Variants in WWOX observed in about 807,000 individuals in gnomAD.
The protein encoded by WWOX is WW domain-containing oxidoreductase.
In WWOX, 69 loss-of-function variants were observed where a neutral mutation model predicts 46.2. The observed-to-expected ratio is 1.49, with a 90% CI of 1.23 to 1.82. The LOEUF (loss-of-function observed/expected upper bound fraction) is 1.82, where lower values mean the gene tolerates loss of function less well. WWOX is among the 40% of genes most tolerant of loss of function. The probability of loss-of-function intolerance (pLI) is 0.00; values close to 1 mark genes in which losing one functional copy is unlikely to be tolerated. For missense variants in WWOX, 919 were observed against 542.6 expected, an observed-to-expected ratio of 1.69 and a Z score of -6.89; for synonymous variants, 359 against 202.6, an observed-to-expected ratio of 1.77 and a Z score of -6.56.
intron 8 of WWOX, among the ~76,000 whole-genome samples, chr16:78,640,380 G>C (rs2046678019): frequency 6.6e-6 from 1 of 151,976 alleles, no homozygotes; most frequent in Non-Finnish European, 1.5e-5. Context: ...CTCTGAGCTA[G>C]AATCCTGGTG....
intron 5 of WWOX, among the ~76,000 whole-genome samples, chr16:78,250,259 C>T (rs538502623): frequency 3.3e-5 from 5 of 152,200 alleles, no homozygotes; most frequent in Non-Finnish European, 7.3e-5. Flanking sequence ...TCCGGAAATA[C>T]CCATGCCAGG....
intron 8 of WWOX, among the ~76,000 whole-genome samples, chr16:79,168,484 C>A (rs1218539809): frequency 6.6e-6 from 1 of 152,182 alleles, no homozygotes; most frequent in African/African-American, 2.4e-5. Flanking sequence ...GCATGTGCAA[C>A]TGAAATATCT....
intron 8 of WWOX, among the ~76,000 whole-genome samples, chr16:78,731,956 C>G (rs946036509): frequency 6.6e-6 from 1 of 151,204 alleles, no homozygotes; most frequent in African/African-American, 2.4e-5. Flanking sequence ...AATTGATCCT[C>G]CTGCCTCAGC....
intron 8 of WWOX, among the ~76,000 whole-genome samples, chr16:79,156,487 A>G (rs1373560797): frequency 6.6e-6 from 1 of 152,224 alleles, no homozygotes; most frequent in Non-Finnish European, 1.5e-5. Flanking sequence ...AAGGCAGAAA[A>G]TATTACACAG....
intron 5 of WWOX, among the ~76,000 whole-genome samples, chr16:78,314,809 C>G (rs979841701): frequency 6.7e-6 from 1 of 150,224 alleles, no homozygotes; most frequent in Non-Finnish European, 1.5e-5. Context: ...GCCTTGGCCT[C>G]CCAAAGTGCT....
At chr16:79,116,872 G>C (rs1300692169) in intron 8 of WWOX, among the ~76,000 whole-genome samples, 1 of 151,938 alleles carries the variant, frequency 6.6e-6, no homozygotes, top group Non-Finnish European at 1.5e-5. Context: ...TGTGGCACCT[G>C]TAGGCTTCTA....
chr16:78,380,664 G>T (rs1272054098), intron 5 of WWOX, among the ~76,000 whole-genome samples: 1 of 152,104 alleles, frequency 6.6e-6, no homozygotes, highest in African/African-American at 2.4e-5. Flanking sequence ...ATGAACTACT[G>T]ATCAGGTATC....
chr16:78,401,698 A>T (rs562930907), intron 6 of WWOX, among the ~76,000 whole-genome samples: 38 of 151,918 alleles, frequency 2.5e-4, no homozygotes, highest in Non-Finnish European at 5.0e-4. Context: ...ATACAATACA[A>T]TTCCTTTTTT....
chr16:79,212,350 G>GACACCCAGAGGGAGTAGAATACGCAGA lies in WWOX; in HGVS notation c.*557_*583dup, dbSNP rs1438216015. Reference sequence around the variant, plus strand: ...TGTCCCAGCCAGTGAGGATGACAGTGACACCCAGAGGGAGTAGAATACGCA... The same window carrying GACACCCAGAGGGAGTAGAATACGCAGA: ...TGTCCCAGCCAGTGAGGATGACAGTGACACCCAGAGGGAGTAGAATACGCAGAACACCCAGAGGGAGTAGAATACGCA... On this transcript the variant is annotated 3_prime_UTR_variant, in exon 9 of 9. Transcript: ENST00000566780. 5 of 619,268 alleles carry GACACCCAGAGGGAGTAGAATACGCAGA rather than the reference G, an allele frequency of 8.1e-6. No individual in the cohort carries two copies. Among genetic ancestry groups the GACACCCAGAGGGAGTAGAATACGCAGA allele is most frequent in the Non-Finnish European group, 1.3e-5 (5 of 374,116 alleles). The allele number at this position is 619,268 out of a possible 1,614,324, so 38.4% of individuals were successfully genotyped here.
At chr16:78,559,499 TC>T (rs1325370912) in intron 8 of WWOX, among the ~76,000 whole-genome samples, 5 of 152,190 alleles carry the variant, frequency 3.3e-5, no homozygotes, top group Non-Finnish European at 7.3e-5. Flanking sequence ...ATGAACTTTT[TC>T]CCTTTCCTCC....
intron 8 of WWOX, among the ~76,000 whole-genome samples, chr16:78,442,254 G>C (rs1177017312): frequency 6.6e-6 from 1 of 152,072 alleles, no homozygotes; most frequent in Admixed American, 6.6e-5. Flanking sequence ...AACTTACATA[G>C]CTATCATTTT....
At chr16:78,546,352 T>C (rs1253256764) in intron 8 of WWOX, among the ~76,000 whole-genome samples, 13 of 152,092 alleles carry the variant, frequency 8.5e-5, no homozygotes, top group Non-Finnish European at 1.5e-5. Context: ...ATCAGAACTT[T>C]AAGGCCCGGT....
intron 5 of WWOX, among the ~76,000 whole-genome samples, chr16:78,354,222 C>G (rs946188905): frequency 6.6e-6 from 1 of 151,414 alleles, no homozygotes; most frequent in African/African-American, 2.4e-5. Context: ...TGGTGCCCAC[C>G]CCAGCACCCC....
intron 8 of WWOX, among the ~76,000 whole-genome samples, chr16:78,953,750 C>A (rs769432181): frequency 6.6e-6 from 1 of 152,178 alleles, no homozygotes; most frequent in African/African-American, 2.4e-5. Context: ...CTCTCATCAC[C>A]TGGTTTCAAA....
chr16:78,448,447 G>C (rs1292502813), intron 8 of WWOX, among the ~76,000 whole-genome samples: 2 of 152,072 alleles, frequency 1.3e-5, no homozygotes, highest in Admixed American at 1.3e-4. Flanking sequence ...AGTCTCACAG[G>C]CTGCATTCAA....
At chr16:78,195,741 G>T (rs551355800) in intron 5 of WWOX, among the ~76,000 whole-genome samples, 1 of 143,036 alleles carries the variant, frequency 7.0e-6, no homozygotes, top group African/African-American at 2.6e-5. Flanking sequence ...AGAATTGCTT[G>T]AACTCTGGAG....
chr16:78,472,101 G>C (rs2084237104), intron 8 of WWOX, among the ~76,000 whole-genome samples: 1 of 152,118 alleles, frequency 6.6e-6, no homozygotes, highest in Admixed American at 6.6e-5. Context: ...AGTAGACAGA[G>C]AGTTGAGGAA....
At chr16:79,050,988 C>G (rs775254653) in intron 8 of WWOX, among the ~76,000 whole-genome samples, 2 of 152,234 alleles carry the variant, frequency 1.3e-5, no homozygotes, top group Non-Finnish European at 2.9e-5. Context: ...GAACACAAGA[C>G]ACTGACCCAA....
At chr16:79,057,563 C>T (rs998304250) in intron 8 of WWOX, among the ~76,000 whole-genome samples, 3 of 131,526 alleles carry the variant, frequency 2.3e-5, no homozygotes, top group African/African-American at 9.2e-5. Context: ...TCTCTCATTG[C>T]CTTCAGAGAG....
Sources: gnomAD v4.1 joint callset for allele counts (sites outside exome capture counted in the v4.1 genomes callset) on GRCh38, gnomAD v4.1.1 for gene constraint, MANE v1.5 for transcripts, NCBI Gene and HGNC (gene_info 2026-07-23, HGNC 2026-07-21) for gene names.